VWA3A: variants seen among roughly 807,000 people sequenced by gnomAD.
VWA3A encodes the protein von Willebrand factor A domain containing 3A.
In VWA3A, 134 loss-of-function variants were observed where a neutral mutation model predicts 160.4. That is an observed-to-expected ratio of 0.84 (90% CI 0.73 to 0.96). The LOEUF (loss-of-function observed/expected upper bound fraction) is 0.96, where lower values mean the gene tolerates loss of function less well. VWA3A is among the 40% of genes least tolerant of loss of function. VWA3A has a pLI of 0.00. For synonymous variants in VWA3A, 476 were observed against 543.4 expected (o/e 0.88, Z 1.72); for missense variants, 1,310 against 1,447.9 (o/e 0.90, Z 1.55).
chr16:22,155,623 C>A lies in VWA3A; in HGVS notation c.3462C>A (p.Ile1154=), dbSNP rs372725818. Residue 1154 remains isoleucine (I), a synonymous_variant, in exon 32 of 34, where the codon ATC becomes ATA. Transcript: ENST00000389398. ...GDDLRILAQE[I]TKARSFLWQA... is the part of the protein sequence containing the mutation. ...ATTTAAGGATCCTGGCCCAGGAGAT[C>A]ACCAAGGCCAGAAGCTTCCTCTGGC... The A allele has an allele frequency of 1.1e-5, 17 of 1,613,888 alleles. No homozygotes were observed. The highest frequency in any genetic ancestry group is 1.4e-5 in the Non-Finnish European group (17 of 1,179,916).
At chr16:22,142,806 A>G in intron 25 of VWA3A, 41 bp downstream of exon 25, 6 of 1,436,364 alleles carry the variant, frequency 4.2e-6, no homozygotes, top group Non-Finnish European at 5.7e-6. Flanking sequence ...ATTAAGCAAT[A>G]GAGTAGTTCT....
chr16:22,102,033 A>G (rs1028225349), intron 5 of VWA3A, among the ~76,000 whole-genome samples: 3 of 152,208 alleles, frequency 2.0e-5, no homozygotes, highest in African/African-American at 7.2e-5. Context: ...GCAGAGCTGT[A>G]TCTCAAACAC....
At chr16:22,112,776 C>A (rs1346894108) in intron 8 of VWA3A, among the ~76,000 whole-genome samples, 1 of 152,150 alleles carries the variant, frequency 6.6e-6, no homozygotes, top group African/African-American at 2.4e-5. Flanking sequence ...AGGACGGAGG[C>A]CCCCTCACCA....
Position 22,092,824 on chromosome 16 carries a change from T to C in VWA3A, c.14+173T>C, listed in dbSNP as rs1317167033. Among the ~76,000 whole-genome samples, 3 of 152,002 alleles carry C rather than the reference T, an allele frequency of 2.0e-5. No homozygotes were observed. The East Asian group carries it at 5.8e-4, about 29-fold the overall frequency. On this transcript the variant is annotated intron_variant, in intron 1 of 33. Coordinates refer to ENST00000389398, the MANE Select transcript of VWA3A (RefSeq NM_173615.5). ...GGGGTGCCAGTAGACAAGGAAGTCA[T>C]GGAGCCGGTCTAGGAGACAGGCCAT... is the stretch of plus-strand genomic sequence containing the variant.
chr16:22,146,404 C>T, intron 27 of VWA3A, 60 bp downstream of exon 27: 1 of 1,441,060 alleles, frequency 6.9e-7, no homozygotes, highest in Non-Finnish European at 9.6e-7. Context: ...AAGGCTAGCC[C>T]CAGGGACCCC....
At chr16:22,099,586 G>A (rs2045376611) in intron 3 of VWA3A, among the ~76,000 whole-genome samples, 1 of 152,230 alleles carries the variant, frequency 6.6e-6, no homozygotes, top group Non-Finnish European at 1.5e-5. Context: ...CTAAGTATTT[G>A]CAGTAATTAT....
At chr16:22,110,736 C>T (rs909865751) in intron 7 of VWA3A, among the ~76,000 whole-genome samples, 152 bp from the exon 8 acceptor site, 5 of 152,192 alleles carry the variant, frequency 3.3e-5, no homozygotes, top group African/African-American at 7.2e-5. Flanking sequence ...AAGCAAATGT[C>T]GGCTTGGGGC....
At chr16:22,149,995 C>T (rs1224394423) in intron 29 of VWA3A, 64 bp downstream of exon 29, 11 of 1,504,614 alleles carry the variant, frequency 7.3e-6, no homozygotes, top group Non-Finnish European at 9.8e-6. Flanking sequence ...TATGCTGATG[C>T]TGCACGATGC....
chr16:22,113,167 TTTTA>T (rs376154017), intron 8 of VWA3A, among the ~76,000 whole-genome samples: 6 of 152,072 alleles, frequency 3.9e-5, no homozygotes, highest in African/African-American at 1.4e-4. Flanking sequence ...TTATTTTATT[TTTTA>T]TTTATTTGGT....
chr16:22,093,429 T>A (rs1901408797), intron 1 of VWA3A, among the ~76,000 whole-genome samples: 1 of 152,086 alleles, frequency 6.6e-6, no homozygotes, highest in Admixed American at 6.5e-5. Flanking sequence ...ACAGAAGACC[T>A]CTCTAATAAG....
intron 25 of VWA3A, 93 bp downstream of exon 25, chr16:22,142,858 A>G: frequency 1.0e-6 from 1 of 977,208 alleles, no homozygotes; most frequent in Non-Finnish European, 1.6e-6. Flanking sequence ...GCATAATCAG[A>G]AATGAGAACA....
intron 30 of VWA3A, 136 bp downstream of exon 30, chr16:22,150,982 A>C (rs2046339040): frequency 1.8e-6 from 2 of 1,122,094 alleles, no homozygotes; most frequent in South Asian, 3.7e-5. Context: ...CCTGTAAATC[A>C]GAAATTAGGA....
At chr16:22,128,832 G>GA (rs1350156489) in intron 17 of VWA3A, among the ~76,000 whole-genome samples, 5 of 152,164 alleles carry the variant, frequency 3.3e-5, no homozygotes, top group Admixed American at 2.0e-4. Flanking sequence ...CACAGGAATA[G>GA]AAAATCAAAT....
Position 22,150,781 on chromosome 16 carries a change from A to C in VWA3A, c.3216A>C (p.Glu1072Asp), listed in dbSNP as rs146655430. ...PDTSCSLVLN[E>D]VQKLREKRDV... ...CAAGCTGCAGCCTTGTCCTAAATGA[A>C]GTCCAAAAACTCAGGGAGAAAAGAG... Residue 1072 changes from glutamate (E) to aspartate (D), a missense_variant, in exon 30 of 34, where the codon GAA (glutamate) becomes GAC (aspartate). Coordinates refer to ENST00000389398, the MANE Select transcript of VWA3A (RefSeq NM_173615.5). 687 of 1,613,396 alleles carry C rather than the reference A, an allele frequency of 4.3e-4. 6 individuals are homozygous for C. The African/African-American group carries it at 6.7e-3, about 16-fold the overall frequency.
intron 6 of VWA3A, among the ~76,000 whole-genome samples, chr16:22,106,282 G>C (rs1440013701): frequency 6.6e-6 from 1 of 152,102 alleles, no homozygotes; most frequent in Non-Finnish European, 1.5e-5. Flanking sequence ...CTACTAGAGA[G>C]GCTGAAGCAG....
chr16:22,142,378 T>G (rs561613040), intron 24 of VWA3A, among the ~76,000 whole-genome samples: 105 of 152,040 alleles, frequency 6.9e-4, no homozygotes, highest in Non-Finnish European at 1.3e-3. Context: ...TGGAAGGCGC[T>G]GGGGAGCTGG....
intron 21 of VWA3A, among the ~76,000 whole-genome samples, chr16:22,134,702 T>C (rs2141971256): frequency 6.6e-6 from 1 of 151,420 alleles, no homozygotes; most frequent in East Asian, 2.1e-4. Context: ...TTAATTGCAC[T>C]GGTTGCTCTT....
rs781153616 is a variant in VWA3A at position 22,148,220 on chromosome 16, G to T, written c.2898G>T (p.Thr966=). The part of the protein sequence containing the change: ...LESKVCILLD[T]SGSMGPYLQQ... The stretch of plus-strand genomic sequence containing the variant: ...GCAAAGTATGCATATTGCTGGACAC[G>T]TCAGGGTCCATGGGCCCCTACCTGC... Residue 966 remains threonine (T), a synonymous_variant, in exon 28 of 34, where the codon ACG becomes ACT. Coordinates refer to ENST00000389398, the MANE Select transcript of VWA3A (RefSeq NM_173615.5). 1.2e-6 allele frequency: 2 copies of T among 1,601,820 alleles called. No homozygotes were observed. The highest frequency in any genetic ancestry group is 3.5e-5 in the Admixed American group (2 of 57,948).
chr16:22,142,582 C>A, intron 24 of VWA3A, 86 bp from the exon 25 acceptor site: 1 of 1,043,562 alleles, frequency 9.6e-7, no homozygotes, highest in Non-Finnish European at 1.4e-6. Flanking sequence ...TAAGCCCCAT[C>A]TCCAACACTG....
Sources: allele counts gnomAD v4.1 joint callset (sites outside exome capture counted in the v4.1 genomes callset), GRCh38; gene constraint gnomAD v4.1.1; transcripts MANE v1.5; gene names NCBI Gene and HGNC (gene_info 2026-07-23, HGNC 2026-07-21).